Variants in TRIM49 observed in about 807,000 individuals in gnomAD.
TRIM49 encodes the protein tripartite motif containing 49, also known as tripartite motif-containing protein 49.
TRIM49 carries 5 observed loss-of-function variants against 27.4 expected under a neutral mutation model. That is an observed-to-expected ratio of 0.18 (90% CI 0.10 to 0.38). The LOEUF (loss-of-function observed/expected upper bound fraction) is 0.38, where lower values mean the gene tolerates loss of function less well. Ranked by LOEUF, TRIM49 falls within the 10% of genes least tolerant of loss-of-function variation. The probability of loss-of-function intolerance (pLI) is 1.00; values close to 1 mark genes in which losing one functional copy is unlikely to be tolerated. For synonymous variants in TRIM49, 69 were observed against 166.0 expected, an observed-to-expected ratio of 0.42 and a Z score of 4.49; for missense variants, 188 against 487.5, an observed-to-expected ratio of 0.39 and a Z score of 5.79.
intron 5 of TRIM49, 149 bp from the exon 6 acceptor site, chr11:89,801,137 G>T (rs538608812): frequency 1.3e-6 from 2 of 1,483,722 alleles, no homozygotes; most frequent in South Asian, 2.5e-5. Context: ...CTTCTGTAAA[G>T]AAAAACCCAG....
downstream of TRIM49, among the ~76,000 whole-genome samples, chr11:89,792,910 G>T (rs1236283129): frequency 0.014 from 2,074 of 151,994 alleles, 5 homozygotes; most frequent in African/African-American, 0.048. Flanking sequence ...AGAACTGAAG[G>T]AGATAGAGAC....
At chr11:89,793,943 A>G (rs1411635149), downstream of TRIM49, among the ~76,000 whole-genome samples, 1 of 151,040 alleles carries the variant, frequency 6.6e-6, no homozygotes, top group African/African-American at 2.4e-5. Context: ...AGAGGAAGTC[A>G]AATTGTCCCT....
chr11:89,804,801 G>T (rs1240270626), intron 2 of TRIM49, among the ~76,000 whole-genome samples: 1 of 151,364 alleles, frequency 6.6e-6, no homozygotes, highest in African/African-American at 2.4e-5. Flanking sequence ...AATCATAGTT[G>T]TCCCTATTCT....
At position 89,803,871 on chromosome 11, in the gene TRIM49, C is replaced by A. The variant is rs539765664; in HGVS notation, c.412-78G>T. ...GGGCCCAGAATGAGAGACAAATAAG[C>A]CCCTAGTAAATGGCATTTCCTTTGT... is the stretch of plus-strand genomic sequence containing the variant. On this transcript the variant is annotated intron_variant, in intron 3 of 7. Transcript: ENST00000329758. The A allele has an allele frequency of 1.7e-4, 131 of 767,894 alleles. No individual in the cohort carries two copies. The East Asian group carries it at 3.5e-3, about 20-fold the overall frequency. 47.6% of individuals were successfully genotyped at this position (767,894 alleles called of 1,614,324 possible).
At chr11:89,790,278 C>T in the TRIM49 span, among the ~76,000 whole-genome samples, 1 of 139,562 alleles carries the variant, frequency 7.2e-6, no homozygotes, top group Non-Finnish European at 1.6e-5. Flanking sequence ...CTGGGTGGAG[C>T]CCACTGCAGC....
the TRIM49 span, among the ~76,000 whole-genome samples, chr11:89,770,449 A>T: frequency 7.1e-6 from 1 of 140,680 alleles, no homozygotes; most frequent in South Asian, 2.2e-4. Context: ...ATCACTTCCT[A>T]AAAAGCTAGG....
At position 89,802,857 on chromosome 11, in the gene TRIM49, T is replaced by G. The variant is rs537227175; in HGVS notation, c.507+841A>C. On this transcript the variant is annotated intron_variant, in intron 4 of 7. Coordinates refer to ENST00000329758, the MANE Select transcript of TRIM49 (RefSeq NM_020358.2). ...AAACCTACCACACTCAAATACATCA[T>G]GTATTGCATATATTTGTGTATTGAC... 6.7e-5 allele frequency among the ~76,000 whole-genome samples: 10 copies of G among 149,808 alleles called. No homozygotes were observed. In the East Asian group the frequency reaches 2.0e-3, roughly 29 times the overall value.
the TRIM49 span, among the ~76,000 whole-genome samples, chr11:89,783,782 C>A: frequency 6.8e-6 from 1 of 146,032 alleles, no homozygotes; most frequent in African/African-American, 2.7e-5. Context: ...ACCGGCTTAC[C>A]TGCTCTAACA....
chr11:89,805,446 A>G (rs4001901), intron 2 of TRIM49, among the ~76,000 whole-genome samples: 1 of 151,128 alleles, frequency 6.6e-6, no homozygotes, highest in Admixed American at 6.6e-5. Context: ...GCACCATCCA[A>G]TCAGCTGACA....
the TRIM49 span, chr11:89,776,961 T>C: frequency 6.6e-7 from 1 of 1,515,344 alleles, no homozygotes; most frequent in South Asian, 1.3e-5. Context: ...CTCACTTTTT[T>C]TTTTTTAATT....
chr11:89,768,367 A>G, the TRIM49 span: 3 of 1,053,030 alleles, frequency 2.8e-6, 1 homozygote, highest in Non-Finnish European at 4.1e-6. Flanking sequence ...TGCTTCATTC[A>G]AACCACTTCT....
chr11:89,787,656 C>G, the TRIM49 span: 1 of 988,302 alleles, frequency 1.0e-6, no homozygotes, highest in African/African-American at 1.9e-5. Flanking sequence ...AAGGCACCCG[C>G]GCCCACCTTC....
At chr11:89,802,930 C>T (rs1949750661) in intron 4 of TRIM49, among the ~76,000 whole-genome samples, 1 of 149,964 alleles carries the variant, frequency 6.7e-6, no homozygotes. Context: ...GACAAAGGTG[C>T]TTCCTTTCTT....
At chr11:89,793,259 A>G (rs1451485792), downstream of TRIM49, among the ~76,000 whole-genome samples, 3 of 152,080 alleles carry the variant, frequency 2.0e-5, no homozygotes, top group South Asian at 6.2e-4. Flanking sequence ...CAAACCAAAT[A>G]AAGTCCGGGT....
chr11:89,800,497 A>C (rs1194284831), intron 6 of TRIM49, among the ~76,000 whole-genome samples: 2 of 151,486 alleles, frequency 1.3e-5, no homozygotes, highest in Non-Finnish European at 2.9e-5. Flanking sequence ...TAATCCCAGC[A>C]CTTTGGGAGG....
chr11:89,774,465 G>A, the TRIM49 span, among the ~76,000 whole-genome samples: 1 of 149,072 alleles, frequency 6.7e-6, no homozygotes, highest in East Asian at 2.0e-4. Context: ...ATCTCAGGAA[G>A]TGGGTGTGGT....
the TRIM49 span, chr11:89,786,417 C>G: frequency 6.8e-6 from 1 of 146,280 alleles, no homozygotes; most frequent in Non-Finnish European, 1.5e-5. Flanking sequence ...GCCCCTGGCC[C>G]CATGGGCACT....
At chr11:89,800,679 C>A (rs1295464469) in intron 6 of TRIM49, among the ~76,000 whole-genome samples, 3 of 150,086 alleles carry the variant, frequency 2.0e-5, no homozygotes, top group African/African-American at 5.0e-5. Flanking sequence ...GGAGGCGGAG[C>A]TTTCAGTGAG....
At chr11:89,797,048 G>T (rs978800227), downstream of TRIM49, among the ~76,000 whole-genome samples, 1 of 152,118 alleles carries the variant, frequency 6.6e-6, no homozygotes, top group East Asian at 1.9e-4. Context: ...ACACAATATT[G>T]TGTGTCTTTA....
Sources: gnomAD v4.1 joint callset for allele counts (sites outside exome capture counted in the v4.1 genomes callset) on GRCh38, gnomAD v4.1.1 for gene constraint, MANE v1.5 for transcripts, NCBI Gene and HGNC (gene_info 2026-07-23, HGNC 2026-07-21) for gene names.